PLCXD1: variants seen among roughly 807,000 people sequenced by gnomAD.
PLCXD1 encodes phosphatidylinositol specific phospholipase C X domain containing 1.
Under a neutral mutation model 37.8 loss-of-function variants are expected in PLCXD1, and 45 were observed. The ratio of observed to expected loss-of-function variants is 1.19; its 90% CI spans 0.94 to 1.53. The LOEUF (loss-of-function observed/expected upper bound fraction) is 1.53. Among genes scored for constraint, PLCXD1 ranks in the 40% most tolerant of loss-of-function variants. PLCXD1 has a pLI of 0.00. For missense variants in PLCXD1, 539 were observed against 454.7 expected, an observed-to-expected ratio of 1.19 and a Z score of -1.69; for synonymous variants, 246 against 206.9, an observed-to-expected ratio of 1.19 and a Z score of -1.62.
At chrX:288,700 G>T (rs778602591) in intron 2 of PLCXD1, 33 bp from the exon 3 acceptor site, 17 of 1,612,292 alleles carry the variant, frequency 1.1e-5, no homozygotes. Flanking sequence ...ACGGACTCGT[G>T]GTGACATGTC....
chrX:284,037 CCCA>C, intron 1 of PLCXD1, 127 bp from the exon 2 acceptor site: 1 of 701,608 alleles, frequency 1.4e-6, no homozygotes, highest in Non-Finnish European at 2.5e-6. Context: ...GCCACAGGTG[CCCA>C]CCACCACGCC....
At chrX:284,081 G>C in intron 1 of PLCXD1, 86 bp from the exon 2 acceptor site, 5 of 1,023,408 alleles carry the variant, frequency 4.9e-6, no homozygotes, top group Non-Finnish European at 7.5e-6. Flanking sequence ...AGTAGAGATG[G>C]GGTTTTGTCA....
At chrX:295,573 G>A (rs994379641) in intron 6 of PLCXD1, among the ~76,000 whole-genome samples, 10 of 151,104 alleles carry the variant, frequency 6.6e-5, no homozygotes, top group African/African-American at 1.2e-4. Context: ...TGCCCCGGTC[G>A]GAGTGCAGTG....
At chrX:283,341 C>T (rs1430679564) in intron 1 of PLCXD1, 1 of 151,834 alleles carries the variant, frequency 6.6e-6, no homozygotes, top group South Asian at 2.1e-4. Context: ...CTCCAAACCC[C>T]AGGCAGGAGA....
At chrX:281,228 C>A, upstream of PLCXD1, 2 of 232,344 alleles carry the variant, frequency 8.6e-6, no homozygotes, top group Admixed American at 5.7e-5. Context: ...GGGCCAGCTC[C>A]CTCCTGGGGA....
intron 2 of PLCXD1, among the ~76,000 whole-genome samples, chrX:286,254 G>A (rs749052466): frequency 6.6e-6 from 1 of 152,022 alleles, no homozygotes; most frequent in Non-Finnish European, 1.5e-5. Flanking sequence ...TAGCAGAGAT[G>A]GGGTTTCACC....
upstream of PLCXD1, among the ~76,000 whole-genome samples, chrX:278,868 G>A (rs761570490): frequency 7.2e-5 from 11 of 152,148 alleles, no homozygotes; most frequent in African/African-American, 2.2e-4. Context: ...TTAAGGAAAC[G>A]TCAGACATGA....
chrX:277,183 A>C (rs2069173060), upstream of PLCXD1, among the ~76,000 whole-genome samples: 1 of 137,024 alleles, frequency 7.3e-6, no homozygotes. Context: ...TGTGTGGGGA[A>C]GGCGTCGGGG....
At chrX:284,620 A>C (rs1376658515) in intron 2 of PLCXD1, among the ~76,000 whole-genome samples, 1 of 150,540 alleles carries the variant, frequency 6.6e-6, no homozygotes. Flanking sequence ...ACACATGCAC[A>C]TCTGCACACG....
At chrX:290,411 CAG>C (rs1264146230) in intron 3 of PLCXD1, among the ~76,000 whole-genome samples, 32 of 141,744 alleles carry the variant, frequency 2.3e-4, no homozygotes, top group Admixed American at 2.0e-3. Context: ...GCCTGGGTGA[CAG>C]AGCGAGACTC....
intron 5 of PLCXD1, among the ~76,000 whole-genome samples, chrX:292,463 A>C (rs1457533276): frequency 6.6e-6 from 1 of 151,956 alleles, no homozygotes; most frequent in Non-Finnish European, 1.5e-5. Context: ...GTCTCAAAAA[A>C]TAAAAAATAA....
At chrX:283,018 T>A (rs2069324696) in intron 1 of PLCXD1, 1 of 146,814 alleles carries the variant, frequency 6.8e-6, no homozygotes, top group South Asian at 2.1e-4. Context: ...ATGTTATATA[T>A]ATGTTATGTA....
At chrX:292,674 G>A (rs897225521) in intron 5 of PLCXD1, among the ~76,000 whole-genome samples, 6 of 151,570 alleles carry the variant, frequency 4.0e-5, no homozygotes, top group South Asian at 2.1e-4. Context: ...GTGCAATAGC[G>A]AAACCTCGGC....
Position 301,643 on chromosome X carries a change from T to A in PLCXD1, c.*2308T>A, listed in dbSNP as rs1339372152. On this transcript the variant is annotated 3_prime_UTR_variant, in exon 7 of 7. Coordinates refer to ENST00000381657, the MANE Select transcript of PLCXD1 (RefSeq NM_018390.4). ...GTAGTAGTAGGAGGAGTATTATGTT[T>A]GAGATGGAGTCTCGCTCTGTCGCCC... 1 of 152,128 alleles carries A rather than the reference T, an allele frequency of 6.6e-6. No individual in the cohort carries two copies. Among genetic ancestry groups the A allele is most frequent in the Non-Finnish European group, 1.5e-5 (1 of 68,088 alleles). The allele number at this position is 152,128 out of a possible 1,614,324, so 9.4% of individuals were successfully genotyped here. A position where few individuals can be genotyped will look rare whatever the true frequency, so the allele number is the denominator to read the frequency against.
chrX:298,466 ACG>A, intron 6 of PLCXD1, among the ~76,000 whole-genome samples: 1 of 28,390 alleles, frequency 3.5e-5, no homozygotes, highest in African/African-American at 1.6e-4. Flanking sequence ...GGGGATTAGG[ACG>A]TGGACATCTT....
rs1336633868 is a variant in PLCXD1, at chrX:301,306, C to T, written c.*1971C>T. ...GATCACAGGCAGGCACCACCATGCC[C>T]AGGTAATTTTATTTTTTTGTAGAGA... On this transcript the variant is annotated 3_prime_UTR_variant, in exon 7 of 7. Transcript: ENST00000381657. 6.6e-6 allele frequency: 1 copy of T among 152,010 alleles called. No individual in the cohort carries two copies. Among genetic ancestry groups the T allele is most frequent in the Non-Finnish European group, 1.5e-5 (1 of 68,048 alleles). 9.4% of individuals were successfully genotyped at this position (152,010 alleles called of 1,614,324 possible).
At position 299,121 on chromosome X, in the gene PLCXD1, AC is replaced by A. The variant is rs2069910867; in HGVS notation, c.760del (p.Leu254SerfsTer19). The A allele has an allele frequency of 6.2e-7, 1 of 1,613,700 alleles. No homozygotes were observed. The highest frequency in any genetic ancestry group is 1.3e-5 in the African/African-American group (1 of 74,880). On this transcript the variant is annotated frameshift_variant, in exon 7 of 7. Transcript: ENST00000381657. LOFTEE classifies it high-confidence loss of function. Reference sequence around the variant, plus strand: ...GGAGGGTTGTTCGTGGCCGGCATCAACCTCACGGAGAACCTGCAGTACGTTC... The same window carrying A: ...GGAGGGTTGTTCGTGGCCGGCATCAACTCACGGAGAACCTGCAGTACGTTC... ...RPGGLFVAGI[N>X]LTENLQYVLA...
chrX:295,809 G>T (rs1257031743), intron 6 of PLCXD1, among the ~76,000 whole-genome samples: 1 of 151,814 alleles, frequency 6.6e-6, no homozygotes, highest in Non-Finnish European at 1.5e-5. Flanking sequence ...TGACAGGCGT[G>T]AGCCACGGTG....
intron 2 of PLCXD1, among the ~76,000 whole-genome samples, 153 bp from the exon 3 acceptor site, chrX:288,580 G>A (rs1602865331): frequency 1.3e-5 from 2 of 152,254 alleles, no homozygotes; most frequent in Non-Finnish European, 2.9e-5. Flanking sequence ...GTGGACGTGA[G>A]TTTTGGGGGT....
Sources: allele counts gnomAD v4.1 joint callset (sites outside exome capture counted in the v4.1 genomes callset), GRCh38; gene constraint gnomAD v4.1.1; transcripts MANE v1.5; gene names NCBI Gene and HGNC (gene_info 2026-07-23, HGNC 2026-07-21).